The following RPL28 variants were observed in gnomAD, a reference collection of about 807,000 sequenced individuals.
RPL28 encodes ribosomal protein L28.
Under a neutral mutation model 12.5 loss-of-function variants are expected in RPL28, and 4 were observed. The observed-to-expected ratio is 0.32, with a 90% confidence interval of 0.16 to 0.73. RPL28 has a LOEUF of 0.73. RPL28 is among the 30% of genes least tolerant of loss of function. The pLI is 0.66. For missense variants in RPL28, 214 were observed against 197.7 expected, an observed-to-expected ratio of 1.08 and a Z score of -0.49; for synonymous variants, 91 against 72.5, an observed-to-expected ratio of 1.26 and a Z score of -1.30.
At chr19:55,396,209 T>TG (rs59128272), downstream of RPL28, among the ~76,000 whole-genome samples, 12,614 of 151,382 alleles carry the variant, frequency 0.083, 676 homozygotes, top group African/African-American at 0.15. Flanking sequence ...AGTTTGAAGT[T>TG]GCAGTGAGCT....
chr19:55,388,234 C>A lies in RPL28; in HGVS notation c.325-9C>A. 1 of 1,526,334 alleles carries A rather than the reference C, an allele frequency of 6.6e-7. No homozygotes were observed. Among genetic ancestry groups the A allele is most frequent in the Non-Finnish European group, 8.8e-7 (1 of 1,138,656 alleles). The allele number at this position is 1,526,334 out of a possible 1,614,324, so 94.5% of individuals were successfully genotyped here. ...TGGGCTGAGCCTTGCTCTGCTCCCCCGCCCCCAGGCAGCCATCCGCAGGGC... is the reference window on the plus strand; with the variant it reads ...TGGGCTGAGCCTTGCTCTGCTCCCCAGCCCCCAGGCAGCCATCCGCAGGGC... On this transcript the variant is annotated splice_polypyrimidine_tract_variant and intron_variant, in intron 4 of 4. Transcript: ENST00000344063.
In RPL28 at chr19:55,387,161, A is replaced by G. The variant is rs946247978; in HGVS notation, c.205+468A>G. On this transcript the variant is annotated intron_variant, in intron 3 of 4. Coordinates refer to ENST00000344063, the MANE Select transcript of RPL28 (RefSeq NM_000991.5). ...GAAGAGGTCTTGGGGACCCCACTCC[A>G]TACATTGTGCTGTCAGGTGCAGGCC... is the stretch of plus-strand genomic sequence containing the variant. 9.3e-6 allele frequency: 12 copies of G among 1,296,490 alleles called. No individual in the cohort carries two copies. The East Asian group carries it at 1.3e-4, about 14-fold the overall frequency. The allele number at this position is 1,296,490 out of a possible 1,614,324, so 80.3% of individuals were successfully genotyped here.
intron 3 of RPL28, chr19:55,387,091 G>C: frequency 7.1e-7 from 1 of 1,401,548 alleles, no homozygotes; most frequent in Non-Finnish European, 9.5e-7. Context: ...GACAGGCTGG[G>C]TTGGTTGCAG....
In RPL28 at chr19:55,390,565, G is replaced by T; in HGVS notation, c.*2233G>T. Reference sequence around the variant, plus strand: ...CTCCTTGCCTGCCCTGGAGGCTTGTGCCTCTAGGCCCCACCCCCTGTGGAG... The same window carrying T: ...CTCCTTGCCTGCCCTGGAGGCTTGTTCCTCTAGGCCCCACCCCCTGTGGAG... On this transcript the variant is annotated 3_prime_UTR_variant, in exon 5 of 5. Coordinates refer to ENST00000344063, the MANE Select transcript of RPL28 (RefSeq NM_000991.5). 3 of 985,608 alleles carry T rather than the reference G, an allele frequency of 3.0e-6. No homozygotes were observed. The highest frequency in any genetic ancestry group is 9.4e-5 in the South Asian group (2 of 21,296). The allele number at this position is 985,608 out of a possible 1,614,324, so 61.1% of individuals were successfully genotyped here.
rs1173212833 is a variant in RPL28, at chr19:55,389,936, G to T, written c.*1604G>T. The stretch of plus-strand genomic sequence containing the variant: ...TCCCACTCAGGCCCATCTCTGGCTG[G>T]CCTCACTGCGCTGGGACTCCGCCTT... On this transcript the variant is annotated 3_prime_UTR_variant, in exon 5 of 5. Coordinates refer to ENST00000344063, the MANE Select transcript of RPL28 (RefSeq NM_000991.5). 1 of 985,338 alleles carries T rather than the reference G, an allele frequency of 1.0e-6. No individual in the cohort carries two copies. Among genetic ancestry groups the T allele is most frequent in the African/African-American group, 1.7e-5 (1 of 57,224 alleles). The allele number at this position is 985,338 out of a possible 1,614,324, so 61.0% of individuals were successfully genotyped here.
Position 55,401,502 on chromosome 19 carries a change from G to A in RPL28, c.325-1441G>A, listed in dbSNP as rs565116762. On this transcript the variant is annotated intron_variant, in intron 4 of 4. Coordinates refer to the RPL28 transcript ENST00000560055. ...TGGCCGCCAGCTTCTTATCGCGCTC[G>A]CCAGCATGCTTCTTGGCCATGGGAC... is the stretch of plus-strand genomic sequence containing the variant. 77 of 1,609,676 alleles carry A rather than the reference G, an allele frequency of 4.8e-5. No homozygotes were observed. The South Asian group carries it at 6.5e-4, about 14-fold the overall frequency.
chr19:55,388,939 A>T lies in RPL28; in HGVS notation c.*607A>T, dbSNP rs1269926648. The T allele has an allele frequency of 2.0e-6, 2 of 985,392 alleles. No individual in the cohort carries two copies. The highest frequency in any genetic ancestry group is 3.5e-5 in the African/African-American group (2 of 57,218). The allele number at this position is 985,392 out of a possible 1,614,324, so 61.0% of individuals were successfully genotyped here. A position where few individuals can be genotyped will look rare whatever the true frequency, so the allele number is the denominator to read the frequency against. ...CAGCCCCAGGGTACAGCCAGCAGGCATTGAGCAGCCTTAGCATTGTCCCCC... is the reference window on the plus strand; with the variant it reads ...CAGCCCCAGGGTACAGCCAGCAGGCTTTGAGCAGCCTTAGCATTGTCCCCC... On this transcript the variant is annotated 3_prime_UTR_variant, in exon 5 of 5. Coordinates refer to ENST00000344063, the MANE Select transcript of RPL28 (RefSeq NM_000991.5).
At position 55,391,389 on chromosome 19, in the gene RPL28, C is replaced by A. The variant is rs1317985451; in HGVS notation, c.*3057C>A. On this transcript the variant is annotated 3_prime_UTR_variant, in exon 5 of 5. Coordinates refer to ENST00000344063, the MANE Select transcript of RPL28 (RefSeq NM_000991.5). The stretch of plus-strand genomic sequence containing the variant: ...ACAGCCCTGCATAAGGCAGGTGTCT[C>A]AGTGTTCACTGCTGTCTCTCCAGCT... The A allele has an allele frequency of 7.9e-7, 1 of 1,265,822 alleles. No homozygotes were observed. Among genetic ancestry groups the A allele is most frequent in the African/African-American group, 1.5e-5 (1 of 65,270 alleles). The allele number at this position is 1,265,822 out of a possible 1,614,324, so 78.4% of individuals were successfully genotyped here. A position where few individuals can be genotyped will look rare whatever the true frequency, so the allele number is the denominator to read the frequency against.
rs143176931 is a variant in RPL28, at chr19:55,386,596, T to C, written c.108T>C (p.Asn36=). The part of the protein sequence containing the change: ...STEPNNLKAR[N]SFRYNGLIHR... ...AGCCCAATAACTTGAAGGCCCGCAA[T>C]TCCTTCCGCTACAACGGACTGATTC... Residue 36 remains asparagine (N), a synonymous_variant, in exon 3 of 5, where the codon AAT becomes AAC. Transcript: ENST00000344063. 8.6e-5 allele frequency: 139 copies of C among 1,610,312 alleles called. No individual in the cohort carries two copies. The highest frequency in any genetic ancestry group is 1.6e-4 in the Middle Eastern group (1 of 6,064).
chr19:55,387,046 CAG>C (rs966210131), intron 3 of RPL28: 3 of 1,441,198 alleles, frequency 2.1e-6, no homozygotes, highest in African/African-American at 1.4e-5. Flanking sequence ...TGAGGCACAA[CAG>C]GGGAGGGGCC....
At position 55,388,532 on chromosome 19, in the gene RPL28, T is replaced by G. The variant is rs2089958831; in HGVS notation, c.*200T>G. The G allele has an allele frequency of 3.9e-6, 5 of 1,290,132 alleles. No homozygotes were observed. The highest frequency in any genetic ancestry group is 4.9e-6 in the Non-Finnish European group (5 of 1,017,404). The allele number at this position is 1,290,132 out of a possible 1,614,324, so 79.9% of individuals were successfully genotyped here. ...CAGGAGGGGTGGGGTAGCTGCCTTG[T>G]CCCTGGTGAGGGCAAGGGTCACTGT... On this transcript the variant is annotated 3_prime_UTR_variant, in exon 5 of 5. Coordinates refer to ENST00000344063, the MANE Select transcript of RPL28 (RefSeq NM_000991.5).
chr19:55,391,772 A>G lies in RPL28; in HGVS notation c.*3440A>G, dbSNP rs897143975. 1.0e-5 allele frequency: 15 copies of G among 1,429,644 alleles called. No homozygotes were observed. The African/African-American group carries it at 1.9e-4, about 18-fold the overall frequency. The allele number at this position is 1,429,644 out of a possible 1,614,324, so 88.6% of individuals were successfully genotyped here. A position where few individuals can be genotyped will look rare whatever the true frequency, so the allele number is the denominator to read the frequency against. On this transcript the variant is annotated 3_prime_UTR_variant, in exon 5 of 5. Coordinates refer to ENST00000344063, the MANE Select transcript of RPL28 (RefSeq NM_000991.5). Reference sequence around the variant, plus strand: ...AATAAATTAATGACTTTTTATAAATATTTTGATCAGATGGACTCATGATCA... The same window carrying G: ...AATAAATTAATGACTTTTTATAAATGTTTTGATCAGATGGACTCATGATCA...
At chr19:55,397,961 C>T (rs1481954363) in intron 4 of RPL28, among the ~76,000 whole-genome samples, 3 of 151,930 alleles carry the variant, frequency 2.0e-5, no homozygotes, top group South Asian at 2.1e-4. Flanking sequence ...TTTGGGAGGC[C>T]GAGGCAGGCG....
At chr19:55,393,291 T>C, downstream of RPL28, among the ~76,000 whole-genome samples, 1 of 113,140 alleles carries the variant, frequency 8.8e-6, no homozygotes, top group African/African-American at 3.3e-5. Context: ...CCCAAACCTT[T>C]CTCTAGGGCC....
intron 3 of RPL28, chr19:55,387,083 C>T: frequency 7.0e-7 from 1 of 1,418,460 alleles, no homozygotes; most frequent in Non-Finnish European, 9.4e-7. Context: ...TAGGAGGGGA[C>T]AGGCTGGGTT....
At chr19:55,388,097 G>A (rs1297890699) in intron 4 of RPL28, 49 bp downstream of exon 4, 2 of 1,608,360 alleles carry the variant, frequency 1.2e-6, no homozygotes, top group Admixed American at 1.7e-5. Flanking sequence ...CCAGTGCTGT[G>A]GGGAAGGGCC....
At chr19:55,399,244 G>C (rs188436663) in intron 4 of RPL28, among the ~76,000 whole-genome samples, 155 of 152,240 alleles carry the variant, frequency 1.0e-3, no homozygotes, top group African/African-American at 3.5e-3. Context: ...TCAGCTCACT[G>C]AAACCTCTGT....
intron 4 of RPL28, among the ~76,000 whole-genome samples, chr19:55,398,914 C>T (rs1447449143): frequency 6.6e-6 from 1 of 152,168 alleles, no homozygotes; most frequent in African/African-American, 2.4e-5. Context: ...GTTGGGCAGG[C>T]TGCTCTTGAA....
At chr19:55,399,382 G>C (rs1290986403) in intron 4 of RPL28, among the ~76,000 whole-genome samples, 1 of 151,870 alleles carries the variant, frequency 6.6e-6, no homozygotes, top group Admixed American at 6.6e-5. Flanking sequence ...GGCCAGGCTG[G>C]TCTTGAACTC....
Sources: gnomAD v4.1 joint callset for allele counts (sites outside exome capture counted in the v4.1 genomes callset) on GRCh38, gnomAD v4.1.1 for gene constraint, MANE v1.5 for transcripts, NCBI Gene and HGNC (gene_info 2026-07-23, HGNC 2026-07-21) for gene names.